The following CCAR1 variants were observed in gnomAD, a reference collection of about 807,000 sequenced individuals.
The protein encoded by CCAR1 is cell division cycle and apoptosis regulator 1.
In CCAR1, 78 loss-of-function variants were observed where a neutral mutation model predicts 163.8. That is an observed-to-expected ratio of 0.48 (90% CI 0.40 to 0.57). The LOEUF (loss-of-function observed/expected upper bound fraction) is 0.57, where lower values mean the gene tolerates loss of function less well. Among genes scored for constraint, CCAR1 ranks in the 20% least tolerant of loss-of-function variants. The pLI is 0.00. For missense variants in CCAR1, 1,019 were observed against 1,365.2 expected, an observed-to-expected ratio of 0.75 and a Z score of 4.00; for synonymous variants, 443 against 460.7, an observed-to-expected ratio of 0.96 and a Z score of 0.49.
intron 17 of CCAR1, among the ~76,000 whole-genome samples, chr10:68,770,745 AAAAAAT>A (rs1449385522): frequency 1.4e-4 from 21 of 152,216 alleles, no homozygotes; most frequent in African/African-American, 5.1e-4. Context: ...TCTGTCTAGA[AAAAAAT>A]AAAAATAAAA....
intron 9 of CCAR1, 35 bp from the exon 10 acceptor site, chr10:68,749,489 G>T: frequency 6.5e-7 from 1 of 1,539,416 alleles, no homozygotes; most frequent in Non-Finnish European, 8.9e-7. Context: ...CATAATATTA[G>T]AAATATTAGT....
intron 19 of CCAR1, chr10:68,774,895 A>T (rs192467909): frequency 2.7e-6 from 1 of 374,780 alleles, no homozygotes; most frequent in Non-Finnish European, 5.0e-6. Flanking sequence ...TTTTTAAAAA[A>T]TTATATTTTT....
intron 2 of CCAR1, chr10:68,735,910 A>C (rs2056103595): frequency 6.6e-6 from 1 of 152,130 alleles, no homozygotes; most frequent in African/African-American, 2.4e-5. Flanking sequence ...GCTGGAGTGC[A>C]GTGGTGATCT....
At chr10:68,781,438 G>GA (rs1431094853) in intron 19 of CCAR1, among the ~76,000 whole-genome samples, 1 of 152,090 alleles carries the variant, frequency 6.6e-6, no homozygotes, top group Non-Finnish European at 1.5e-5. Flanking sequence ...AGCTACTCGG[G>GA]AGGCTGAGGC....
At chr10:68,782,629 G>A (rs1043740515) in intron 19 of CCAR1, among the ~76,000 whole-genome samples, 14 of 152,114 alleles carry the variant, frequency 9.2e-5, no homozygotes, top group African/African-American at 2.9e-4. Context: ...TAGGGCTAAT[G>A]CAGCTTGTGA....
At chr10:68,767,531 C>T (rs2056551259) in intron 17 of CCAR1, among the ~76,000 whole-genome samples, 1 of 152,110 alleles carries the variant, frequency 6.6e-6, no homozygotes, top group Admixed American at 6.6e-5. Flanking sequence ...CAGGCGTGAG[C>T]CAACTGCACC....
At chr10:68,742,300 A>T in intron 5 of CCAR1, 76 bp from the exon 6 acceptor site, 1 of 1,078,106 alleles carries the variant, frequency 9.3e-7, no homozygotes, top group Non-Finnish European at 1.3e-6. Context: ...ATTCTGGGTT[A>T]GTTTTAAGTA....
intron 19 of CCAR1, among the ~76,000 whole-genome samples, chr10:68,779,982 T>A (rs1166782683): frequency 5.3e-5 from 8 of 152,180 alleles, no homozygotes; most frequent in African/African-American, 1.9e-4. Context: ...TAGGACATGA[T>A]CACTACTCTC....
intron 2 of CCAR1, among the ~76,000 whole-genome samples, chr10:68,735,391 T>TC (rs1554818702): frequency 1.3e-4 from 20 of 149,894 alleles, no homozygotes; most frequent in Admixed American, 3.3e-4. Flanking sequence ...TTTTTTTTTT[T>TC]CCAATATTGA....
chr10:68,768,234 GA>G (rs1420981327), intron 17 of CCAR1, among the ~76,000 whole-genome samples: 1 of 151,972 alleles, frequency 6.6e-6, no homozygotes, highest in Non-Finnish European at 1.5e-5. Flanking sequence ...AAGTTGTTGG[GA>G]TTTTTTTTTC....
chr10:68,768,598 G>A (rs1056628091), intron 17 of CCAR1, among the ~76,000 whole-genome samples: 3 of 152,152 alleles, frequency 2.0e-5, no homozygotes, highest in African/African-American at 7.2e-5. Context: ...GCAACAGAGC[G>A]AGACTTTGTC....
At chr10:68,744,467 C>T (rs972352879) in intron 6 of CCAR1, among the ~76,000 whole-genome samples, 5 of 152,072 alleles carry the variant, frequency 3.3e-5, no homozygotes, top group East Asian at 1.9e-4. Flanking sequence ...ATCTCTAAGA[C>T]GCAAAAATAT....
intron 10 of CCAR1, 136 bp from the exon 11 acceptor site, chr10:68,753,716 A>C (rs371018657): frequency 1.5e-6 from 1 of 646,076 alleles, no homozygotes; most frequent in Non-Finnish European, 2.7e-6. Context: ...ATGCAAATCT[A>C]TAGCTCATTA....
intron 2 of CCAR1, among the ~76,000 whole-genome samples, chr10:68,725,490 A>G (rs2055930083): frequency 6.6e-6 from 1 of 151,926 alleles, no homozygotes; most frequent in Admixed American, 6.6e-5. Flanking sequence ...CAATCTTTTT[A>G]GGAAGAATTT....
intron 18 of CCAR1, among the ~76,000 whole-genome samples, chr10:68,771,889 C>T (rs542653233): frequency 1.9e-4 from 29 of 149,990 alleles, no homozygotes; most frequent in Admixed American, 1.1e-3. Flanking sequence ...TTTTCTGAGA[C>T]GGAGTCTTGC....
At chr10:68,758,503 A>T (rs1352472174) in intron 15 of CCAR1, among the ~76,000 whole-genome samples, 1 of 124,572 alleles carries the variant, frequency 8.0e-6, no homozygotes, top group Non-Finnish European at 1.7e-5. Flanking sequence ...CATCCTGGGC[A>T]GTGTGTGTGT....
At chr10:68,759,491 G>A (rs2056441496) in intron 15 of CCAR1, 1 of 153,222 alleles carries the variant, frequency 6.5e-6, no homozygotes, top group African/African-American at 2.4e-5. Context: ...ACTTTTGGAG[G>A]CCCAGATGGG....
At chr10:68,787,663 C>T (rs1342263185) in intron 21 of CCAR1, among the ~76,000 whole-genome samples, 2 of 151,986 alleles carry the variant, frequency 1.3e-5, no homozygotes, top group Non-Finnish European at 2.9e-5. Flanking sequence ...TGGTGAAACC[C>T]TGTCTCTCCA....
Position 68,776,658 on chromosome 10 carries a change from GTCC to G in CCAR1, c.2650+3568_2650+3570del, listed in dbSNP as rs201404337. 7.7e-4 allele frequency among the ~76,000 whole-genome samples: 118 copies of G among 152,324 alleles called. 4 individuals are homozygous for G. In the East Asian group the frequency reaches 0.022, roughly 28 times the overall value. ...AGCCTGAAACTTCTAGGCTTAAGCA[GTCC>G]TCCTCCTCAGCTTCCTGAGTGGCTG... is the stretch of plus-strand genomic sequence containing the variant. On this transcript the variant is annotated intron_variant, in intron 19 of 24. Coordinates refer to ENST00000265872, the MANE Select transcript of CCAR1 (RefSeq NM_018237.4).
Sources: allele counts gnomAD v4.1 joint callset (sites outside exome capture counted in the v4.1 genomes callset), GRCh38; gene constraint gnomAD v4.1.1; transcripts MANE v1.5; gene names NCBI Gene and HGNC (gene_info 2026-07-23, HGNC 2026-07-21).